Variants in TRIML2 observed in about 807,000 individuals in gnomAD.
TRIML2 encodes tripartite motif family like 2, also known as probable E3 ubiquitin-protein ligase TRIML2.
Under a neutral mutation model 31.2 loss-of-function variants are expected in TRIML2, and 28 were observed. The ratio of observed to expected loss-of-function variants is 0.90; its 90% CI spans 0.66 to 1.23. The LOEUF is 1.23. Among genes scored for constraint, TRIML2 ranks in the 50% most tolerant of loss-of-function variants. TRIML2 has a pLI of 0.00. For synonymous variants in TRIML2, 187 were observed against 197.5 expected, an observed-to-expected ratio of 0.95 and a Z score of 0.45; for missense variants, 536 against 528.3, an observed-to-expected ratio of 1.01 and a Z score of -0.14.
At chr4:188,102,086 C>T (rs1286141875) in intron 3 of TRIML2, among the ~76,000 whole-genome samples, 13 of 145,498 alleles carry the variant, frequency 8.9e-5, no homozygotes, top group South Asian at 2.2e-4. Context: ...GCCGAGATGG[C>T]GCCACCGCAC....
intron 7 of TRIML2, among the ~76,000 whole-genome samples, chr4:188,093,853 C>T (rs1472669613): frequency 6.6e-6 from 1 of 151,766 alleles, no homozygotes; most frequent in Non-Finnish European, 1.5e-5. Context: ...GCCTTTAATC[C>T]CAGCACTTTG....
intron 7 of TRIML2, among the ~76,000 whole-genome samples, chr4:188,094,147 C>A (rs1266857772): frequency 6.6e-6 from 1 of 150,472 alleles, no homozygotes; most frequent in Non-Finnish European, 1.5e-5. Context: ...AAAACAACAA[C>A]AAAAAGCGCT....
intron 3 of TRIML2, among the ~76,000 whole-genome samples, chr4:188,104,065 A>G (rs1305178117): frequency 6.6e-6 from 1 of 152,170 alleles, no homozygotes; most frequent in African/African-American, 2.4e-5. Flanking sequence ...GAACCCTCAA[A>G]TCTGAATAGC....
chr4:188,108,372 C>T (rs754531685), intron 1 of TRIML2, among the ~76,000 whole-genome samples: 3 of 152,208 alleles, frequency 2.0e-5, no homozygotes, highest in African/African-American at 4.8e-5. Flanking sequence ...TCTCTTCCCC[C>T]AAACTCATTC....
intron 1 of TRIML2, among the ~76,000 whole-genome samples, chr4:188,108,976 G>A (rs148377937): frequency 6.5e-4 from 99 of 152,234 alleles, no homozygotes; most frequent in Non-Finnish European, 9.0e-4. Flanking sequence ...TATTGTAAAC[G>A]ATATTTTATG....
Position 188,101,451 on chromosome 4 carries a change from T to C in TRIML2, c.286-201A>G, listed in dbSNP as rs188388236. Among the ~76,000 whole-genome samples the C allele has an allele frequency of 8.4e-4, 128 of 152,130 alleles. 1 individual carries two copies. Among genetic ancestry groups the C allele is most frequent in the Admixed American group, 7.2e-4 (11 of 15,264 alleles). ...TGGCTCACGCCTGCAATCCCAGCAC[T>C]TTGGGAGGCCAAAGTGGGTGGATCA... On this transcript the variant is annotated intron_variant, in intron 3 of 7. Transcript: ENST00000682553.
intron 7 of TRIML2, among the ~76,000 whole-genome samples, chr4:188,094,355 TGACTTTGTAGAAAATCCTGAAG>T (rs1210332965): frequency 6.6e-6 from 1 of 152,186 alleles, no homozygotes; most frequent in African/African-American, 2.4e-5. Context: ...ATATACTGCA[TGACTTTGTAGAAAATCCTGAAG>T]GATCTATTTA....
At chr4:188,104,305 A>G (rs1733930219) in intron 3 of TRIML2, among the ~76,000 whole-genome samples, 1 of 152,170 alleles carries the variant, frequency 6.6e-6, no homozygotes, top group African/African-American at 2.4e-5. Context: ...TCTTTTCTGC[A>G]AACTCTTATT....
chr4:188,105,530 C>G lies in TRIML2; in HGVS notation c.-162G>C. Reference sequence around the variant, plus strand: ...GAAGATCCAAGGAAATAAGTCCACGCAGACAGAGCGGGTCGGCGCTCTGGA... The same window carrying G: ...GAAGATCCAAGGAAATAAGTCCACGGAGACAGAGCGGGTCGGCGCTCTGGA... On this transcript the variant is annotated 5_prime_UTR_variant, in exon 2 of 8. Transcript: ENST00000682553. The G allele has an allele frequency of 1.9e-6, 1 of 514,408 alleles. No homozygotes were observed. Among genetic ancestry groups the G allele is most frequent in the South Asian group, 4.5e-5 (1 of 21,990 alleles). 31.9% of individuals were successfully genotyped at this position (514,408 alleles called of 1,614,324 possible).
chr4:188,097,040 TA>T lies in TRIML2; in HGVS notation c.745+20del. ...CAAATGCAGAACAGTGCCCTGTGAG[TA>T]TTCACATGTGTCAACTTACTCTGGA... On this transcript the variant is annotated intron_variant, in intron 7 of 7. Transcript: ENST00000682553. The T allele has an allele frequency of 2.0e-6, 3 of 1,504,448 alleles. No individual in the cohort carries two copies. The highest frequency in any genetic ancestry group is 1.7e-4 in the Middle Eastern group (1 of 5,852). 93.2% of individuals were successfully genotyped at this position (1,504,448 alleles called of 1,614,324 possible).
chr4:188,107,489 A>T (rs1050897974), intron 1 of TRIML2, among the ~76,000 whole-genome samples: 1 of 152,228 alleles, frequency 6.6e-6, no homozygotes, highest in Non-Finnish European at 1.5e-5. Context: ...TATTCCCCAC[A>T]AATAGGACTG....
intron 7 of TRIML2, among the ~76,000 whole-genome samples, chr4:188,092,244 G>A (rs999050673): frequency 2.0e-5 from 3 of 152,046 alleles, no homozygotes; most frequent in Non-Finnish European, 4.4e-5. Flanking sequence ...GGTGGCTCAC[G>A]AGGTCAGGAG....
chr4:188,106,835 G>T, intron 1 of TRIML2: 1 of 252,496 alleles, frequency 4.0e-6, no homozygotes. Flanking sequence ...GAGAAGACAG[G>T]CCGGGCTGAG....
intron 3 of TRIML2, among the ~76,000 whole-genome samples, chr4:188,102,077 C>A (rs1459160377): frequency 2.5e-4 from 38 of 149,388 alleles, no homozygotes; most frequent in Non-Finnish European, 2.8e-4. Context: ...TTGCAGTGAG[C>A]CGAGATGGCG....
chr4:188,099,219 A>G, intron 4 of TRIML2, 44 bp from the exon 5 acceptor site: 2 of 1,549,836 alleles, frequency 1.3e-6, no homozygotes, highest in Non-Finnish European at 1.7e-6. Context: ...CCTCAAGTTC[A>G]GGAACAAGAG....
At chr4:188,106,388 T>C (rs1734041237) in intron 1 of TRIML2, among the ~76,000 whole-genome samples, 1 of 152,184 alleles carries the variant, frequency 6.6e-6, no homozygotes, top group South Asian at 2.1e-4. Flanking sequence ...ATTAAAGAGA[T>C]TTGCAAAACA....
chr4:188,107,648 A>G (rs1335010043), intron 1 of TRIML2, among the ~76,000 whole-genome samples: 2 of 152,136 alleles, frequency 1.3e-5, no homozygotes, highest in Non-Finnish European at 2.9e-5. Flanking sequence ...GTATTCATAT[A>G]TTTTCAACTT....
chr4:188,098,493 T>C (rs1289853886), intron 5 of TRIML2: 1 of 222,242 alleles, frequency 4.5e-6, no homozygotes, highest in African/African-American at 2.3e-5. Context: ...ATATATATTT[T>C]GGAGGGACAC....
At chr4:188,100,897 G>C (rs1733756887) in intron 4 of TRIML2, among the ~76,000 whole-genome samples, 159 bp downstream of exon 4, 1 of 152,092 alleles carries the variant, frequency 6.6e-6, no homozygotes, top group Non-Finnish European at 1.5e-5. Context: ...TTATATGCAT[G>C]TCAAGATAAA....
Sources: gnomAD v4.1 joint callset for allele counts (sites outside exome capture counted in the v4.1 genomes callset) on GRCh38, gnomAD v4.1.1 for gene constraint, MANE v1.5 for transcripts, NCBI Gene and HGNC (gene_info 2026-07-23, HGNC 2026-07-21) for gene names.